CFAP100: variants seen among roughly 807,000 people sequenced by gnomAD.
CFAP100 encodes cilia and flagella associated protein 100, also known as cilia- and flagella-associated protein 100.
Under a neutral mutation model 81.5 loss-of-function variants are expected in CFAP100, and 70 were observed. The ratio of observed to expected loss-of-function variants is 0.86; its 90% CI spans 0.71 to 1.05. The LOEUF is 1.05. Ranked by LOEUF, CFAP100 falls within the 50% of genes least tolerant of loss-of-function variation. CFAP100 has a pLI of 0.00. For synonymous variants in CFAP100, 341 were observed against 314.8 expected (o/e 1.08, Z -0.88); for missense variants, 811 against 776.5 (o/e 1.04, Z -0.53).
In CFAP100 at chr3:126,420,132, T is replaced by C. The variant is rs2107608057; in HGVS notation, c.985T>C (p.Phe329Leu). 6.2e-7 allele frequency: 1 copy of C among 1,612,928 alleles called. No individual in the cohort carries two copies. Among genetic ancestry groups the C allele is most frequent in the South Asian group, 1.1e-5 (1 of 91,034 alleles). ...EGQGTKKPWR[F>L]LQTMRLGRSP... ...TCAGGGTACAAAGAAGCCCTGGAGG[T>C]TTCTGCAGACGATGCGGCTGGGGCG... Residue 329 changes from phenylalanine (F) to leucine (L), a missense_variant, in exon 11 of 17, where the codon TTT becomes CTT. Transcript: ENST00000352312.
At chr3:126,429,945 T>C (rs911367540) in intron 13 of CFAP100, among the ~76,000 whole-genome samples, 4 of 152,198 alleles carry the variant, frequency 2.6e-5, no homozygotes, top group African/African-American at 9.7e-5. Context: ...TAGTATTCTT[T>C]TTAGCCATTT....
Position 126,420,083 on chromosome 3 carries a change from T to G in CFAP100, c.956-20T>G, listed in dbSNP as rs772363155. On this transcript the variant is annotated intron_variant, in intron 10 of 16. Coordinates refer to ENST00000352312, the MANE Select transcript of CFAP100 (RefSeq NM_182628.3). ...TCTGCCCTGCACAGGGCTCGGAAAC[T>G]ATTCCTCTGCTTTCTCCAGAGGGTC... 1 of 1,613,304 alleles carries G rather than the reference T, an allele frequency of 6.2e-7. No individual in the cohort carries two copies. The highest frequency in any genetic ancestry group is 2.2e-5 in the East Asian group (1 of 44,880).
At chr3:126,425,202 C>A (rs2083389017) in intron 13 of CFAP100, among the ~76,000 whole-genome samples, 1 of 152,206 alleles carries the variant, frequency 6.6e-6, no homozygotes, top group African/African-American at 2.4e-5. Context: ...TAGCAGAATG[C>A]TGGATGTGAC....
intron 15 of CFAP100, among the ~76,000 whole-genome samples, chr3:126,434,902 T>C (rs946323167): frequency 7.2e-5 from 11 of 152,022 alleles, no homozygotes; most frequent in African/African-American, 2.7e-4. Flanking sequence ...GAGTTTCAGC[T>C]CAGAGGGGAG....
intron 16 of CFAP100, 99 bp from the exon 17 acceptor site, chr3:126,436,192 T>G (rs1576653057): frequency 1.2e-6 from 1 of 830,492 alleles, no homozygotes; most frequent in Non-Finnish European, 2.0e-6. Flanking sequence ...GGCCTGGAGG[T>G]GACTGGAGCT....
intron 13 of CFAP100, among the ~76,000 whole-genome samples, chr3:126,425,453 G>T (rs887636778): frequency 6.6e-6 from 1 of 152,168 alleles, no homozygotes; most frequent in African/African-American, 2.4e-5. Context: ...GGCTCAGATG[G>T]GTTTGCTGGT....
chr3:126,436,186 TG>T, intron 16 of CFAP100, 104 bp from the exon 17 acceptor site: 2 of 781,888 alleles, frequency 2.6e-6, no homozygotes, highest in Admixed American at 4.3e-5. Flanking sequence ...CAGAGTGGCC[TG>T]GAGGTGACTG....
chr3:126,411,491 C>A (rs1213894458), intron 3 of CFAP100, among the ~76,000 whole-genome samples: 1 of 148,322 alleles, frequency 6.7e-6, no homozygotes, highest in Non-Finnish European at 1.5e-5. Context: ...GGATTGGTAC[C>A]AATTCTTCTT....
At chr3:126,411,875 C>G (rs1294534844) in intron 3 of CFAP100, among the ~76,000 whole-genome samples, 1 of 151,960 alleles carries the variant, frequency 6.6e-6, no homozygotes, top group Non-Finnish European at 1.5e-5. Flanking sequence ...TTCATTTATC[C>G]TTTGTATTTC....
intron 13 of CFAP100, among the ~76,000 whole-genome samples, chr3:126,427,672 A>T (rs1933015598): frequency 6.6e-6 from 1 of 152,208 alleles, no homozygotes; most frequent in Non-Finnish European, 1.5e-5. Flanking sequence ...TTCCATTCCC[A>T]CTAGCAATGA....
intron 5 of CFAP100, among the ~76,000 whole-genome samples, chr3:126,417,601 T>A (rs1158164646): frequency 1.3e-5 from 2 of 152,090 alleles, no homozygotes; most frequent in Non-Finnish European, 2.9e-5. Context: ...CCACCCTTAT[T>A]CCCAAGACCT....
At chr3:126,404,494 C>A (rs1467676620) in intron 2 of CFAP100, among the ~76,000 whole-genome samples, 1 of 152,188 alleles carries the variant, frequency 6.6e-6, no homozygotes, top group Non-Finnish European at 1.5e-5. Context: ...GGGTCCTTTT[C>A]TCTCTGGACA....
At chr3:126,431,402 T>C (rs1560081319) in intron 13 of CFAP100, among the ~76,000 whole-genome samples, 1 of 152,074 alleles carries the variant, frequency 6.6e-6, no homozygotes, top group Non-Finnish European at 1.5e-5. Flanking sequence ...GCTTTCTCCT[T>C]CCCCCAACAG....
chr3:126,395,856 C>T (rs1307014707), intron 1 of CFAP100, 86 bp from the exon 2 acceptor site: 2 of 665,260 alleles, frequency 3.0e-6, no homozygotes, highest in Admixed American at 5.0e-5. Flanking sequence ...GAGCCCTCAG[C>T]AAATGTCGGT....
chr3:126,433,897 C>T (rs1933341695), intron 14 of CFAP100: 1 of 449,242 alleles, frequency 2.2e-6, no homozygotes, highest in South Asian at 2.7e-5. Flanking sequence ...TGCAGGGTTC[C>T]CTGGAGGAGG....
intron 13 of CFAP100, among the ~76,000 whole-genome samples, chr3:126,426,860 C>T (rs1203672842): frequency 6.6e-6 from 1 of 152,330 alleles, no homozygotes; most frequent in African/African-American, 2.4e-5. Context: ...ATGGCTTTCT[C>T]ATATACCAGT....
intron 4 of CFAP100, 89 bp from the exon 5 acceptor site, chr3:126,416,227 C>T (rs1560070896): frequency 9.2e-7 from 1 of 1,089,666 alleles, no homozygotes; most frequent in Non-Finnish European, 1.3e-6. Context: ...GCGCGCAAAC[C>T]CGCGTCCCTA....
At chr3:126,409,394 A>C (rs1353210422) in intron 3 of CFAP100, among the ~76,000 whole-genome samples, 1 of 152,220 alleles carries the variant, frequency 6.6e-6, no homozygotes, top group Non-Finnish European at 1.5e-5. Flanking sequence ...GGTTGTTTCC[A>C]GTTTTTACAA....
At chr3:126,433,988 G>A in intron 14 of CFAP100, 188 bp from the exon 15 acceptor site, 1 of 585,050 alleles carries the variant, frequency 1.7e-6, no homozygotes, top group Non-Finnish European at 3.0e-6. Context: ...GGGGGCCCGG[G>A]GGATAGGCTG....
Sources: gnomAD v4.1 joint callset for allele counts (sites outside exome capture counted in the v4.1 genomes callset) on GRCh38, gnomAD v4.1.1 for gene constraint, MANE v1.5 for transcripts, NCBI Gene and HGNC (gene_info 2026-07-23, HGNC 2026-07-21) for gene names.